Variants in CDH13 observed in about 807,000 individuals in gnomAD.
CDH13 encodes cadherin 13, also known as cadherin-13.
In CDH13, 24 loss-of-function variants were observed where a neutral mutation model predicts 63.8. The ratio of observed to expected loss-of-function variants is 0.38; its 90% confidence interval spans 0.27 to 0.53. CDH13 has a LOEUF of 0.53. Among genes scored for constraint, CDH13 ranks in the 20% least tolerant of loss-of-function variants. The pLI is 0.85. For missense variants in CDH13, 1,049 were observed against 903.1 expected (o/e 1.16, Z -2.07); for synonymous variants, 503 against 355.3 (o/e 1.42, Z -4.67).
At chr16:82,672,645 C>G (rs1343343956) in intron 1 of CDH13, among the ~76,000 whole-genome samples, 1 of 152,092 alleles carries the variant, frequency 6.6e-6, no homozygotes, top group South Asian at 2.1e-4. Context: ...ATTTCCTCCT[C>G]CATCTGCCTT....
At chr16:83,351,581 T>G (rs1332355376) in intron 6 of CDH13, among the ~76,000 whole-genome samples, 1 of 152,190 alleles carries the variant, frequency 6.6e-6, no homozygotes, top group African/African-American at 2.4e-5. Context: ...ACATCATTGT[T>G]TCAAACAGCT....
intron 4 of CDH13, among the ~76,000 whole-genome samples, chr16:83,143,028 C>A (rs1488812292): frequency 6.6e-6 from 1 of 152,124 alleles, no homozygotes; most frequent in Non-Finnish European, 1.5e-5. Context: ...CGCTTGAACC[C>A]GGGAGGCGGA....
At chr16:83,662,145 GA>G (rs1389534568) in intron 8 of CDH13, among the ~76,000 whole-genome samples, 1 of 152,152 alleles carries the variant, frequency 6.6e-6, no homozygotes, top group Non-Finnish European at 1.5e-5. Context: ...CTTCACTCAG[GA>G]CGTTTCTTTC....
At chr16:83,046,900 G>T (rs893454222) in intron 3 of CDH13, among the ~76,000 whole-genome samples, 1 of 152,132 alleles carries the variant, frequency 6.6e-6, no homozygotes, top group Admixed American at 6.5e-5. Context: ...GAGAAGACTG[G>T]ACATGAGATC....
chr16:83,442,696 T>C (rs1211027958), intron 6 of CDH13, among the ~76,000 whole-genome samples: 1 of 152,260 alleles, frequency 6.6e-6, no homozygotes, highest in East Asian at 1.9e-4. Flanking sequence ...CATTTTGAAA[T>C]TGTTCTTTAG....
At chr16:83,088,569 G>T (rs964396156) in intron 3 of CDH13, among the ~76,000 whole-genome samples, 1 of 152,098 alleles carries the variant, frequency 6.6e-6, no homozygotes, top group Admixed American at 6.5e-5. Context: ...CCTTCTCTGA[G>T]CCTGGGCCCC....
intron 4 of CDH13, among the ~76,000 whole-genome samples, chr16:83,170,804 G>C (rs527520183): frequency 6.6e-6 from 1 of 152,230 alleles, no homozygotes; most frequent in African/African-American, 2.4e-5. Context: ...GTAGGCATGT[G>C]CATGTTTCCT....
rs1010467815 is a variant in CDH13, at chr16:83,375,041, G to A, written c.781+30035G>A. Among the ~76,000 whole-genome samples the A allele has an allele frequency of 3.9e-4, 60 of 152,298 alleles. 1 individual carries two copies. The highest frequency in any genetic ancestry group is 3.3e-4 in the Admixed American group (5 of 15,304). ...TAGCAGAATTTTAATTTAGTAGGTA[G>A]GATTAAGAGCTGACAAATTTCCTCT... On this transcript the variant is annotated intron_variant, in intron 6 of 13. Coordinates refer to ENST00000567109, the MANE Select transcript of CDH13 (RefSeq NM_001257.5).
chr16:82,859,607 A>G (rs2039849957), intron 2 of CDH13: 1 of 152,110 alleles, frequency 6.6e-6, no homozygotes, highest in South Asian at 2.1e-4. Context: ...TAAGCTGATC[A>G]TACGCTCCAA....
intron 1 of CDH13, among the ~76,000 whole-genome samples, chr16:82,799,837 C>T (rs189427815): frequency 4.6e-5 from 7 of 151,706 alleles, no homozygotes; most frequent in Admixed American, 4.6e-4. Context: ...ATGTATGTCT[C>T]TGCCTATCTA....
intron 2 of CDH13, among the ~76,000 whole-genome samples, chr16:82,956,537 A>G (rs1043970107): frequency 2.0e-5 from 3 of 152,060 alleles, no homozygotes; most frequent in African/African-American, 7.2e-5. Context: ...GCTCAGGTAT[A>G]TCCTGCCACA....
intron 3 of CDH13, among the ~76,000 whole-genome samples, chr16:83,054,051 T>C (rs190996429): frequency 1.3e-5 from 2 of 152,300 alleles, no homozygotes; most frequent in East Asian, 3.9e-4. Context: ...CTGCATACAG[T>C]ATTCAGCACA....
At chr16:83,785,917 C>G (rs1915849135) in intron 13 of CDH13, among the ~76,000 whole-genome samples, 1 of 152,140 alleles carries the variant, frequency 6.6e-6, no homozygotes, top group African/African-American at 2.4e-5. Context: ...CTAACAGTGT[C>G]CTCCAATCTT....
intron 1 of CDH13, among the ~76,000 whole-genome samples, chr16:82,681,637 C>T (rs11863212): frequency 0.011 from 1,614 of 152,316 alleles, 25 homozygotes; most frequent in African/African-American, 0.036. Flanking sequence ...GTAGCGGATG[C>T]TCCTGGTGCC....
rs183048922 is a variant in CDH13 at position 83,243,030 on chromosome 16, T to G, written c.636+25533T>G. Among the ~76,000 whole-genome samples the G allele has an allele frequency of 3.1e-3, 471 of 152,310 alleles. 3 individuals are homozygous for G. Among genetic ancestry groups the G allele is most frequent in the Non-Finnish European group, 5.2e-3 (351 of 68,020 alleles). ...TTGAATGTTGAGGAAACTGCAGGAT[T>G]GACAGGTTAAGTAGCTTACCTAAGA... On this transcript the variant is annotated intron_variant, in intron 5 of 13. Coordinates refer to ENST00000567109, the MANE Select transcript of CDH13 (RefSeq NM_001257.5).
At chr16:83,728,742 G>A (rs1235139314) in intron 10 of CDH13, 1 of 152,190 alleles carries the variant, frequency 6.6e-6, no homozygotes, top group Non-Finnish European at 1.5e-5. Flanking sequence ...TGATGTGACG[G>A]GTTTTGACGA....
chr16:82,886,750 T>C (rs1597142596), intron 2 of CDH13, among the ~76,000 whole-genome samples: 1 of 152,174 alleles, frequency 6.6e-6, no homozygotes, highest in East Asian at 1.9e-4. Context: ...ACTGTGACCC[T>C]CCAGTCAAAA....
At chr16:83,704,063 C>G (rs1423446262) in intron 10 of CDH13, among the ~76,000 whole-genome samples, 1 of 152,158 alleles carries the variant, frequency 6.6e-6, no homozygotes, top group Admixed American at 6.5e-5. Flanking sequence ...CCCTTCAACC[C>G]AGACTTCACC....
intron 2 of CDH13, among the ~76,000 whole-genome samples, chr16:83,031,053 A>T (rs768291401): frequency 6.6e-6 from 1 of 151,436 alleles, no homozygotes; most frequent in Non-Finnish European, 1.5e-5. Context: ...CTAGAATTCT[A>T]TATGGTGCTG....
Sources: gnomAD v4.1 joint callset for allele counts (sites outside exome capture counted in the v4.1 genomes callset) on GRCh38, gnomAD v4.1.1 for gene constraint, MANE v1.5 for transcripts, NCBI Gene and HGNC (gene_info 2026-07-23, HGNC 2026-07-21) for gene names.